Variants in RFFL observed in about 807,000 individuals in gnomAD.
The protein encoded by RFFL is ring finger and FYVE like domain containing E3 ubiquitin protein ligase.
RFFL carries 16 observed loss-of-function variants against 40.4 expected under a neutral mutation model. The observed-to-expected ratio is 0.40, with a 90% confidence interval of 0.27 to 0.60. The LOEUF (loss-of-function observed/expected upper bound fraction) is 0.60. RFFL is among the 20% of genes least tolerant of loss of function. The probability of loss-of-function intolerance (pLI) is 0.47; values close to 1 mark genes in which losing one functional copy is unlikely to be tolerated. For synonymous variants in RFFL, 154 were observed against 167.9 expected, an observed-to-expected ratio of 0.92 and a Z score of 0.64; for missense variants, 367 against 451.7, an observed-to-expected ratio of 0.81 and a Z score of 1.70.
In RFFL at chr17:35,009,339, G is replaced by A. The variant is rs1268623326; in HGVS notation, c.*2629C>T. The A allele has an allele frequency of 2.6e-5, 4 of 152,208 alleles. No individual in the cohort carries two copies. The highest frequency in any genetic ancestry group is 2.4e-5 in the African/African-American group (1 of 41,424). The allele number at this position is 152,208 out of a possible 1,614,324, so 9.4% of individuals were successfully genotyped here. On this transcript the variant is annotated 3_prime_UTR_variant, in exon 7 of 7. Transcript: ENST00000394597. ...TTAGTTTGGATCCAACTATTCCAAT[G>A]TATTATGAACCAGTCAGCTATCTGT...
At chr17:35,044,420 C>T (rs779477067) in intron 1 of RFFL, among the ~76,000 whole-genome samples, 1 of 152,174 alleles carries the variant, frequency 6.6e-6, no homozygotes, top group Admixed American at 6.5e-5. Flanking sequence ...GCGGCAGGCT[C>T]ACGCCTGTAA....
chr17:35,084,920 A>C (rs2091421907), intron 1 of RFFL, among the ~76,000 whole-genome samples: 1 of 152,174 alleles, frequency 6.6e-6, no homozygotes, highest in African/African-American at 2.4e-5. Flanking sequence ...ACTCCATCTC[A>C]AAATAAAATG....
intron 2 of RFFL, among the ~76,000 whole-genome samples, chr17:35,023,745 G>A (rs2091023811): frequency 6.6e-6 from 1 of 152,224 alleles, no homozygotes; most frequent in African/African-American, 2.4e-5. Context: ...CAATCAGCCA[G>A]ATCCAAACAA....
chr17:35,006,288 A>C lies in RFFL; in HGVS notation c.*5680T>G, dbSNP rs574973271. The C allele has an allele frequency of 6.4e-6, 1 of 155,242 alleles. No homozygotes were observed. The highest frequency in any genetic ancestry group is 1.9e-4 in the East Asian group (1 of 5,262). The allele number at this position is 155,242 out of a possible 1,614,324, so 9.6% of individuals were successfully genotyped here. ...TGAAATGAAGCTGGCACAACTAAGG[A>C]ACTGAAGTTCTTATTTTAATTCAAC... On this transcript the variant is annotated 3_prime_UTR_variant, in exon 7 of 7. Transcript: ENST00000394597.
At chr17:35,074,126 G>C (rs908672843) in intron 1 of RFFL, 1 of 152,166 alleles carries the variant, frequency 6.6e-6, no homozygotes, top group Non-Finnish European at 1.5e-5. Flanking sequence ...GCCTGAGTCA[G>C]TGTAGAAAGT....
intron 1 of RFFL, among the ~76,000 whole-genome samples, chr17:35,077,259 G>T (rs887933262): frequency 3.9e-5 from 6 of 151,976 alleles, no homozygotes; most frequent in African/African-American, 1.5e-4. Context: ...AGTTATAGGT[G>T]GCATGAGGAA....
At chr17:35,038,618 C>G (rs2091141933) in intron 1 of RFFL, among the ~76,000 whole-genome samples, 1 of 152,194 alleles carries the variant, frequency 6.6e-6, no homozygotes, top group African/African-American at 2.4e-5. Context: ...TGCAATAGTA[C>G]AGATGAATCT....
At chr17:35,080,923 A>T (rs2091400513) in intron 1 of RFFL, among the ~76,000 whole-genome samples, 1 of 152,242 alleles carries the variant, frequency 6.6e-6, no homozygotes, top group Admixed American at 6.5e-5. Flanking sequence ...TGAAAACAGA[A>T]AATGTAGGTT....
intron 3 of RFFL, among the ~76,000 whole-genome samples, chr17:35,018,147 G>T (rs2090986062): frequency 1.3e-5 from 2 of 152,056 alleles, no homozygotes; most frequent in African/African-American, 2.4e-5. Flanking sequence ...ATGGGACAAA[G>T]TTTCCAGATC....
rs1304538167 is a variant in RFFL, at chr17:35,006,184, T to C, written c.*5784A>G. ...TTTAGTGTAGACAAGTGCTATTCAA[T>C]AGAACTTTTTGCAGCAGTGGAAATA... On this transcript the variant is annotated 3_prime_UTR_variant, in exon 7 of 7. Transcript: ENST00000394597. The C allele has an allele frequency of 6.5e-6, 1 of 154,600 alleles. No individual in the cohort carries two copies. The highest frequency in any genetic ancestry group is 1.4e-5 in the Non-Finnish European group (1 of 69,708). The allele number at this position is 154,600 out of a possible 1,614,324, so 9.6% of individuals were successfully genotyped here. A position where few individuals can be genotyped will look rare whatever the true frequency, so the allele number is the denominator to read the frequency against.
chr17:35,018,138 T>C (rs543081807), intron 3 of RFFL, among the ~76,000 whole-genome samples: 2 of 152,310 alleles, frequency 1.3e-5, no homozygotes, highest in Admixed American at 1.3e-4. Flanking sequence ...CTGACACTGA[T>C]GGGACAAAGT....
At chr17:35,087,726 A>C (rs961508889) in intron 1 of RFFL, among the ~76,000 whole-genome samples, 11 of 152,248 alleles carry the variant, frequency 7.2e-5, no homozygotes, top group African/African-American at 2.7e-4. Flanking sequence ...AAATATTTTC[A>C]AACTTAAGAA....
chr17:35,046,612 A>G (rs541295305), intron 1 of RFFL, among the ~76,000 whole-genome samples: 1 of 152,328 alleles, frequency 6.6e-6, no homozygotes, highest in African/African-American at 2.4e-5. Context: ...GCAATAAGTG[A>G]GCTCTTTTTC....
Position 35,049,306 on chromosome 17 carries a change from A to G in RFFL, c.-9+14270T>C, listed in dbSNP as rs527884441. On this transcript the variant is annotated intron_variant, in intron 1 of 6. Coordinates refer to ENST00000394597, the MANE Select transcript of RFFL (RefSeq NM_001017368.2). ...GCAATATGGTAAGGGTACAGAATGC[A>G]CACACACACACACACACAAACACAT... Among the ~76,000 whole-genome samples, 13 of 150,954 alleles carry G rather than the reference A, an allele frequency of 8.6e-5. No individual in the cohort carries two copies. In the South Asian group the frequency reaches 2.7e-3, roughly 32 times the overall value.
chr17:35,025,163 A>G (rs2091033624), intron 2 of RFFL: 1 of 152,128 alleles, frequency 6.6e-6, no homozygotes, highest in East Asian at 1.9e-4. Context: ...TCATTTTCCA[A>G]TAAGTAAGAA....
chr17:35,017,801 T>C (rs2090983961), intron 3 of RFFL, among the ~76,000 whole-genome samples, 195 bp from the exon 4 acceptor site: 1 of 152,148 alleles, frequency 6.6e-6, no homozygotes, highest in South Asian at 2.1e-4. Flanking sequence ...AAAAATACAT[T>C]TCAATAGACA....
chr17:35,087,879 T>C (rs1189787535), intron 1 of RFFL, among the ~76,000 whole-genome samples: 1 of 152,178 alleles, frequency 6.6e-6, no homozygotes, highest in Non-Finnish European at 1.5e-5. Context: ...ATAAAGAAGT[T>C]GTCAAACCTG....
intron 1 of RFFL, among the ~76,000 whole-genome samples, chr17:35,033,184 A>C (rs1042516638): frequency 1.3e-5 from 2 of 152,048 alleles, no homozygotes; most frequent in African/African-American, 4.8e-5. Context: ...CTGTAGAGGA[A>C]GTGAAGCTGA....
chr17:35,066,346 A>AGCAGC (rs960359835), upstream of RFFL, among the ~76,000 whole-genome samples: 2 of 152,232 alleles, frequency 1.3e-5, no homozygotes, highest in Non-Finnish European at 2.9e-5. Flanking sequence ...ATAAACAATA[A>AGCAGC]GCAGGTTTCA....
Sources: gnomAD v4.1 joint callset for allele counts (sites outside exome capture counted in the v4.1 genomes callset) on GRCh38, gnomAD v4.1.1 for gene constraint, MANE v1.5 for transcripts, NCBI Gene and HGNC (gene_info 2026-07-23, HGNC 2026-07-21) for gene names.